The following PARD3B variants were observed in gnomAD, a reference collection of about 807,000 sequenced individuals.
The protein encoded by PARD3B is partitioning defective 3 homolog B.
In PARD3B, 103 loss-of-function variants were observed where a neutral mutation model predicts 130.2. That is an observed-to-expected ratio of 0.79 (90% CI 0.67 to 0.93). The LOEUF (loss-of-function observed/expected upper bound fraction) is 0.93. PARD3B is among the 40% of genes least tolerant of loss of function. The pLI, the probability that PARD3B is intolerant of heterozygous loss-of-function variation, is 0.00. For missense variants in PARD3B, 1,609 were observed against 1,499.2 expected (o/e 1.07, Z -1.21); for synonymous variants, 583 against 553.2 (o/e 1.05, Z -0.76).
chr2:205,172,518 T>A (rs2035232320), intron 12 of PARD3B, 137 bp downstream of exon 12: 1 of 879,082 alleles, frequency 1.1e-6, no homozygotes, highest in East Asian at 2.7e-5. Flanking sequence ...AACAGGTGGT[T>A]GTGTATTTTA....
chr2:205,450,466 C>CTTTTTTTTTT (rs869229400), intron 20 of PARD3B, among the ~76,000 whole-genome samples: 4 of 78,386 alleles, frequency 5.1e-5, no homozygotes, highest in Non-Finnish European at 6.9e-5. Flanking sequence ...AGTGCAGATT[C>CTTTTTTTTTT]TTTTTTTTTT....
intron 1 of PARD3B, among the ~76,000 whole-genome samples, chr2:204,666,557 G>A (rs560772680): frequency 2.6e-5 from 4 of 152,236 alleles, no homozygotes; most frequent in South Asian, 4.1e-4. Context: ...GGCCCAGAGA[G>A]TAGTTGTAAG....
At chr2:205,482,851 T>A (rs2049296118) in intron 20 of PARD3B, 1 of 152,148 alleles carries the variant, frequency 6.6e-6, no homozygotes, top group Admixed American at 6.5e-5. Flanking sequence ...ACAATCTATT[T>A]CTCCACTGAC....
chr2:204,753,929 G>C (rs192771188), intron 2 of PARD3B, among the ~76,000 whole-genome samples: 1 of 151,996 alleles, frequency 6.6e-6, no homozygotes, highest in Non-Finnish European at 1.5e-5. Flanking sequence ...AATAATTGGT[G>C]CAGTGTTATT....
intron 2 of PARD3B, among the ~76,000 whole-genome samples, chr2:204,827,802 T>G (rs950682233): frequency 3.3e-5 from 5 of 152,256 alleles, no homozygotes; most frequent in Admixed American, 2.6e-4. Flanking sequence ...AGATTAAGTT[T>G]TGAAGTGCTA....
chr2:204,962,420 T>C (rs1481118575), intron 2 of PARD3B, among the ~76,000 whole-genome samples: 7 of 152,160 alleles, frequency 4.6e-5, no homozygotes, highest in African/African-American at 1.7e-4. Flanking sequence ...CACAAAAGCT[T>C]TTTAAATAGA....
At chr2:205,061,525 C>T (rs903420171) in intron 4 of PARD3B, among the ~76,000 whole-genome samples, 1 of 152,076 alleles carries the variant, frequency 6.6e-6, no homozygotes, top group Admixed American at 6.6e-5. Context: ...ATTCTTAGAA[C>T]ACATGGTAAG....
intron 3 of PARD3B, among the ~76,000 whole-genome samples, chr2:204,998,312 G>GTGTATATATA (rs1278337977): frequency 7.7e-5 from 4 of 52,040 alleles, no homozygotes; most frequent in African/African-American, 3.5e-4. Flanking sequence ...AGAACTTAAA[G>GTGTATATATA]TATATATATA....
intron 1 of PARD3B, among the ~76,000 whole-genome samples, chr2:204,644,969 T>C (rs373531559): frequency 6.6e-6 from 1 of 152,150 alleles, no homozygotes; most frequent in East Asian, 1.9e-4. Flanking sequence ...AGATACTCGA[T>C]GAAAGTTGTT....
intron 18 of PARD3B, among the ~76,000 whole-genome samples, chr2:205,316,606 T>C (rs181390522): frequency 6.6e-6 from 1 of 152,306 alleles, no homozygotes; most frequent in East Asian, 1.9e-4. Context: ...CCCATAAATA[T>C]GAAATCATTA....
At chr2:205,031,096 G>A (rs1697386608) in intron 3 of PARD3B, among the ~76,000 whole-genome samples, 1 of 152,120 alleles carries the variant, frequency 6.6e-6, no homozygotes, top group South Asian at 2.1e-4. Context: ...ACCAAAGACT[G>A]CCACAGACTA....
At chr2:204,819,889 G>A (rs2043277629) in intron 2 of PARD3B, among the ~76,000 whole-genome samples, 1 of 152,182 alleles carries the variant, frequency 6.6e-6, no homozygotes, top group South Asian at 2.1e-4. Flanking sequence ...AAGAGGTGAG[G>A]AAGCTGCAGA....
At chr2:205,380,155 A>ATAAAGAATATATAATATG (rs2045265088) in intron 18 of PARD3B, among the ~76,000 whole-genome samples, 1 of 107,132 alleles carries the variant, frequency 9.3e-6, no homozygotes, top group Non-Finnish European at 1.8e-5. Context: ...TATATATTAT[A>ATAAAGAATATATAATATG]TAAAGAATAT....
chr2:204,642,716 T>G (rs1226892778), intron 1 of PARD3B, among the ~76,000 whole-genome samples: 1 of 152,082 alleles, frequency 6.6e-6, no homozygotes, highest in Non-Finnish European at 1.5e-5. Context: ...GAATTGTAAT[T>G]TCCAGTGTTG....
At position 205,615,530 on chromosome 2, in the gene PARD3B, A is replaced by G. The variant is rs758482779; in HGVS notation, c.3335A>G (p.Tyr1112Cys). Residue 1112 changes from tyrosine (Y) to cysteine (C), a missense_variant, in exon 23 of 23, where the codon TAT (tyrosine) becomes TGT (cysteine). Coordinates refer to ENST00000406610, the MANE Select transcript of PARD3B (RefSeq NM_001302769.2). Reference sequence around the variant, plus strand: ...CTCTACAAGGAAAGGGAGCTTCCCTATTATCCAGGGGCTCATCCTATGCAC... The same window carrying G: ...CTCTACAAGGAAAGGGAGCTTCCCTGTTATCCAGGGGCTCATCCTATGCAC... Reference protein sequence around the residue: ...RGLYKERELPYYPGAHPMHPP... With the variant: ...RGLYKERELPCYPGAHPMHPP... 7 of 1,613,884 alleles carry G rather than the reference A, an allele frequency of 4.3e-6. No homozygotes were observed. The highest frequency in any genetic ancestry group is 2.2e-5 in the East Asian group (1 of 44,888).
intron 10 of PARD3B, among the ~76,000 whole-genome samples, chr2:205,150,873 G>T: frequency 6.6e-6 from 1 of 152,084 alleles, no homozygotes; most frequent in East Asian, 1.9e-4. Context: ...GGAAATGTTG[G>T]TCAAAAGACA....
intron 16 of PARD3B, among the ~76,000 whole-genome samples, chr2:205,249,006 GTTTTTTT>G (rs10707308): frequency 1.1e-5 from 1 of 95,084 alleles, no homozygotes; most frequent in Non-Finnish European, 2.0e-5. Context: ...TAAAATAAGA[GTTTTTTT>G]TTTTTTTTTT....
intron 18 of PARD3B, among the ~76,000 whole-genome samples, chr2:205,328,960 A>G (rs894064315): frequency 6.6e-6 from 1 of 152,188 alleles, no homozygotes; most frequent in African/African-American, 2.4e-5. Flanking sequence ...TCCTCAATGC[A>G]TTTCTACTAC....
chr2:204,753,282 A>T (rs1054255639), intron 2 of PARD3B, among the ~76,000 whole-genome samples: 1 of 152,176 alleles, frequency 6.6e-6, no homozygotes, highest in African/African-American at 2.4e-5. Context: ...GAAATACTGC[A>T]TTTTAAAAAT....
Sources: allele counts gnomAD v4.1 joint callset (sites outside exome capture counted in the v4.1 genomes callset), GRCh38; gene constraint gnomAD v4.1.1; transcripts MANE v1.5; gene names NCBI Gene and HGNC (gene_info 2026-07-23, HGNC 2026-07-21).